Variants in FOCAD observed in about 807,000 individuals in gnomAD.
FOCAD encodes the protein KIAA1797.
In FOCAD, 198 loss-of-function variants were observed where a neutral mutation model predicts 225.6. That is an observed-to-expected ratio of 0.88 (90% CI 0.78 to 0.99). FOCAD has a LOEUF of 0.99. FOCAD is among the 50% of genes least tolerant of loss of function. FOCAD has a pLI of 0.00. For missense variants in FOCAD, 2,713 were observed against 2,123.6 expected (o/e 1.28, Z -5.46); for synonymous variants, 897 against 755.0 (o/e 1.19, Z -3.08).
chr9:20,822,640 A>T (rs1030333014), intron 14 of FOCAD, among the ~76,000 whole-genome samples: 3 of 152,082 alleles, frequency 2.0e-5, no homozygotes, highest in Admixed American at 6.6e-5. Flanking sequence ...TCAGGCCAGA[A>T]TAGCTCTATC....
At chr9:20,944,896 C>A (rs764406195) in intron 29 of FOCAD, 122 bp downstream of exon 29, 2 of 1,085,746 alleles carry the variant, frequency 1.8e-6, no homozygotes, top group Non-Finnish European at 2.6e-6. Flanking sequence ...AAGAGAAAAT[C>A]TGAATGACAA....
intron 35 of FOCAD, among the ~76,000 whole-genome samples, chr9:20,953,713 A>G (rs1199203884): frequency 6.6e-6 from 1 of 152,184 alleles, no homozygotes; most frequent in East Asian, 1.9e-4. Flanking sequence ...GAAAAAATGG[A>G]TTAGAACTGA....
chr9:20,969,586 G>C (rs1392485847), intron 35 of FOCAD, among the ~76,000 whole-genome samples: 4 of 151,574 alleles, frequency 2.6e-5, no homozygotes, highest in African/African-American at 9.7e-5. Context: ...TGTTATTACT[G>C]TCCCAAATTA....
chr9:20,853,108 C>T (rs1003042232), intron 15 of FOCAD, among the ~76,000 whole-genome samples: 5 of 151,590 alleles, frequency 3.3e-5, no homozygotes, highest in African/African-American at 1.2e-4. Context: ...AGAATGTCCA[C>T]CAAAAAATAG....
chr9:20,820,585 G>T (rs985308133), intron 13 of FOCAD, among the ~76,000 whole-genome samples, 160 bp downstream of exon 13: 3 of 152,128 alleles, frequency 2.0e-5, no homozygotes, highest in Admixed American at 2.0e-4. Context: ...CATTTGTAAT[G>T]CAGTTAGTTA....
Position 20,718,777 on chromosome 9 carries a change from A to G in FOCAD, c.132+909A>G, listed in dbSNP as rs117433934. Among the ~76,000 whole-genome samples, 35 of 152,308 alleles carry G rather than the reference A, an allele frequency of 2.3e-4. No individual in the cohort carries two copies. In the East Asian group the frequency reaches 5.6e-3, roughly 24 times the overall value. On this transcript the variant is annotated intron_variant, in intron 3 of 43. Coordinates refer to ENST00000338382, the MANE Select transcript of FOCAD (RefSeq NM_001375567.1). ...ACTGCCAGGATTTATTGAATGTCAA[A>G]TCCCTGTAACTGTTTCCTCTTCTAC...
chr9:20,858,915 T>A (rs1828489670), intron 15 of FOCAD, among the ~76,000 whole-genome samples: 2 of 152,222 alleles, frequency 1.3e-5, no homozygotes, highest in Admixed American at 1.3e-4. Flanking sequence ...TGTTACTGAT[T>A]TCTAGTTTTA....
Position 20,929,388 on chromosome 9 carries a change from G to T in FOCAD, c.3109G>T (p.Ala1037Ser). The T allele has an allele frequency of 6.2e-7, 1 of 1,614,074 alleles. No homozygotes were observed. Among genetic ancestry groups the T allele is most frequent in the East Asian group, 2.2e-5 (1 of 44,878 alleles). ...CTATTCTGGTGAAAACACAGCTAGT[G>T]CCATTGCCCGTTCTGCTGCCGCCAC... is the stretch of plus-strand genomic sequence containing the variant. ...KSYSGENTAS[A>S]IARSAAATAL... Residue 1037 changes from alanine to serine, a missense_variant, in exon 27 of 44, where the codon GCC (alanine) becomes TCC (serine). Transcript: ENST00000338382.
At chr9:20,760,015 C>T (rs918085317) in intron 6 of FOCAD, among the ~76,000 whole-genome samples, 1 of 152,220 alleles carries the variant, frequency 6.6e-6, no homozygotes, top group African/African-American at 2.4e-5. Flanking sequence ...TTCTTCTATC[C>T]TTACTACCAT....
chr9:20,729,524 G>A (rs1437649225), intron 4 of FOCAD, among the ~76,000 whole-genome samples: 1 of 152,142 alleles, frequency 6.6e-6, no homozygotes, highest in Non-Finnish European at 1.5e-5. Context: ...CATAGGTACT[G>A]GGGGTTGGGA....
At chr9:20,991,193 A>G (rs1841638351) in intron 42 of FOCAD, among the ~76,000 whole-genome samples, 3 of 152,206 alleles carry the variant, frequency 2.0e-5, no homozygotes, top group African/African-American at 4.8e-5. Flanking sequence ...CCAGGCTACT[A>G]GCTGTTCTGC....
chr9:20,835,591 A>C (rs1244605095), intron 15 of FOCAD, among the ~76,000 whole-genome samples: 1 of 152,094 alleles, frequency 6.6e-6, no homozygotes, highest in Non-Finnish European at 1.5e-5. Context: ...CTGATGTTTC[A>C]AGGAGAAAAA....
At chr9:20,858,298 CT>C (rs775808176) in intron 15 of FOCAD, among the ~76,000 whole-genome samples, 2 of 152,036 alleles carry the variant, frequency 1.3e-5, no homozygotes, top group East Asian at 1.9e-4. Context: ...CTTTGGATTT[CT>C]TTTTTTCATT....
chr9:20,912,560 C>T (rs147172676), intron 22 of FOCAD, among the ~76,000 whole-genome samples: 1 of 152,196 alleles, frequency 6.6e-6, no homozygotes, highest in Non-Finnish European at 1.5e-5. Flanking sequence ...AGATCACTAG[C>T]AGGTAGATTT....
chr9:20,877,950 T>C (rs1460813250), intron 19 of FOCAD, among the ~76,000 whole-genome samples: 1 of 152,138 alleles, frequency 6.6e-6, no homozygotes, highest in Non-Finnish European at 1.5e-5. Flanking sequence ...GTTACCACTC[T>C]TTATGCAGTC....
chr9:20,981,322 T>A (rs1840679195), intron 37 of FOCAD, 104 bp from the exon 38 acceptor site: 1 of 1,320,298 alleles, frequency 7.6e-7, no homozygotes, highest in East Asian at 2.3e-5. Context: ...CCTGAACCTT[T>A]TATCTCTCAG....
intron 35 of FOCAD, among the ~76,000 whole-genome samples, chr9:20,971,755 T>C (rs1839787565): frequency 1.3e-5 from 2 of 152,052 alleles, no homozygotes; most frequent in South Asian, 4.1e-4. Flanking sequence ...TAACTCCCTT[T>C]CCCCCACCCC....
intron 21 of FOCAD, among the ~76,000 whole-genome samples, chr9:20,892,013 G>A (rs1205200833): frequency 1.3e-5 from 2 of 152,110 alleles, no homozygotes; most frequent in Non-Finnish European, 2.9e-5. Context: ...AAAGAATTAC[G>A]CTGAATCTCT....
intron 25 of FOCAD, 75 bp downstream of exon 25, chr9:20,923,843 G>C (rs1834692760): frequency 2.7e-6 from 3 of 1,122,976 alleles, no homozygotes; most frequent in East Asian, 5.1e-5. Flanking sequence ...CTGGCCCTGG[G>C]CTTACAAGGT....
Sources: allele counts gnomAD v4.1 joint callset (sites outside exome capture counted in the v4.1 genomes callset), GRCh38; gene constraint gnomAD v4.1.1; transcripts MANE v1.5; gene names NCBI Gene and HGNC (gene_info 2026-07-23, HGNC 2026-07-21).